RIPOR1: variants seen among roughly 807,000 people sequenced by gnomAD.
The protein encoded by RIPOR1 is rho family-interacting cell polarization regulator 1.
In RIPOR1, 58 loss-of-function variants were observed where a neutral mutation model predicts 116.5. The observed-to-expected ratio is 0.50, with a 90% CI of 0.40 to 0.62. The LOEUF (loss-of-function observed/expected upper bound fraction) is 0.62. RIPOR1 is among the 20% of genes least tolerant of loss of function. RIPOR1 has a pLI of 0.00. For missense variants in RIPOR1, 1,372 were observed against 1,586.2 expected (o/e 0.86, Z 2.29); for synonymous variants, 605 against 650.0 (o/e 0.93, Z 1.05).
Position 67,530,350 on chromosome 16 carries a change from C to T in RIPOR1, c.-24+1436C>T, listed in dbSNP as rs1246079651. On this transcript the variant is annotated intron_variant, in intron 1 of 21. Coordinates refer to ENST00000042381, the MANE Select transcript of RIPOR1 (RefSeq NM_024519.4). This position sits in a 1 kb window ranked among gnomAD's most constrained non-coding sequence, Gnocchi z 4.5. ...GCCACCCGACAGCCTCCGCCCGGTT[C>T]CGGGGTGGGGGGTCCGGGGCTGTGC... Among the ~76,000 whole-genome samples the T allele has an allele frequency of 1.3e-5, 2 of 152,230 alleles. No individual in the cohort carries two copies. The highest frequency in any genetic ancestry group is 4.8e-5 in the African/African-American group (2 of 41,478).
Position 67,545,848 on chromosome 16 carries a change from C to G in RIPOR1, c.3375C>G (p.Thr1125=), listed in dbSNP as rs767779717. The G allele has an allele frequency of 6.2e-7, 1 of 1,607,066 alleles. No homozygotes were observed. The highest frequency in any genetic ancestry group is 2.2e-5 in the East Asian group (1 of 44,828). ...TCCGGAGCCTGTCACTGGGCCCTAC[C>G]TTCCGGGAGAGGGTGAGTTGGACAG... ...TQLRSLSLGP[T]FRERALLCFL... is the part of the protein sequence containing the mutation. The change falls in exon 19 of 22, where the codon ACC becomes ACG. Residue 1125 remains threonine (T), a synonymous_variant. Transcript: ENST00000042381. This position sits in a 1 kb window ranked among gnomAD's most constrained non-coding sequence, Gnocchi z 4.8.
At position 67,541,486 on chromosome 16, in the gene RIPOR1, G is replaced by A. The variant is rs2050981370; in HGVS notation, c.858G>A (p.Glu286=). The change falls in exon 11 of 22, where the codon GAG becomes GAA. Residue 286 remains glutamate, a synonymous_variant. Transcript: ENST00000042381. This position sits in a 1 kb window ranked among gnomAD's most constrained non-coding sequence, Gnocchi z 4.6. ...TGGTTGTGGGCAGTGTCTCCTGTGA[G>A]ACCAAGGACCTGTTTGCCGCCCTGC... ...NHVVVGSVSC[E]TKDLFAALPQ... The A allele has an allele frequency of 6.2e-7, 1 of 1,614,148 alleles. No homozygotes were observed. The highest frequency in any genetic ancestry group is 8.5e-7 in the Non-Finnish European group (1 of 1,180,012).
At chr16:67,533,608 T>C (rs1314848439) in intron 1 of RIPOR1, among the ~76,000 whole-genome samples, 2 of 151,900 alleles carry the variant, frequency 1.3e-5, no homozygotes, top group Non-Finnish European at 1.5e-5. Flanking sequence ...GGCACTGGGT[T>C]CAGCAACAGG....
At chr16:67,536,039 G>A (rs1192035576) in intron 1 of RIPOR1, among the ~76,000 whole-genome samples, 2 of 152,178 alleles carry the variant, frequency 1.3e-5, no homozygotes, top group African/African-American at 4.8e-5. Context: ...TGGGAGAACT[G>A]AGCCTCAAGG....
Position 67,537,382 on chromosome 16 carries a change from C to T in RIPOR1, c.-23-1042C>T. ...CGTCGGTCCCCTCCCCGAGGGGAAC[C>T]CCAGTCACCGGTCCCGCCCCATCCA... On this transcript the variant is annotated intron_variant, in intron 1 of 21. Coordinates refer to ENST00000042381, the MANE Select transcript of RIPOR1 (RefSeq NM_024519.4). This position sits in a 1 kb window ranked among gnomAD's most constrained non-coding sequence, Gnocchi z 4.6. 4.1e-6 allele frequency: 5 copies of T among 1,230,712 alleles called. No individual in the cohort carries two copies. Among genetic ancestry groups the T allele is most frequent in the Non-Finnish European group, 4.1e-6 (4 of 986,792 alleles). 76.2% of individuals were successfully genotyped at this position (1,230,712 alleles called of 1,614,324 possible). A position where few individuals can be genotyped will look rare whatever the true frequency, so the allele number is the denominator to read the frequency against.
chr16:67,544,951 C>G lies in RIPOR1; in HGVS notation c.2870-5C>G, dbSNP rs2051118572. The G allele has an allele frequency of 6.2e-7, 1 of 1,611,654 alleles. No individual in the cohort carries two copies. The highest frequency in any genetic ancestry group is 8.5e-7 in the Non-Finnish European group (1 of 1,179,836). On this transcript the variant is annotated splice_region_variant and splice_polypyrimidine_tract_variant and intron_variant, in intron 16 of 21. Coordinates refer to ENST00000042381, the MANE Select transcript of RIPOR1 (RefSeq NM_024519.4). This position sits in a 1 kb window ranked among gnomAD's most constrained non-coding sequence, Gnocchi z 5.1. ...TTGCTGACGGTTTCCCTCACCCCCTCACAGTGGTGCAGTTCTCGGCCTCTC... is the reference window on the plus strand; with the variant it reads ...TTGCTGACGGTTTCCCTCACCCCCTGACAGTGGTGCAGTTCTCGGCCTCTC...
Position 67,544,784 on chromosome 16 carries a change from C to T in RIPOR1, c.2823C>T (p.Cys941=), listed in dbSNP as rs571228643. 13 of 1,602,648 alleles carry T rather than the reference C, an allele frequency of 8.1e-6. No homozygotes were observed. Among genetic ancestry groups the T allele is most frequent in the South Asian group, 2.2e-5 (2 of 90,722 alleles). The part of the protein sequence containing the change: ...LREARVLEAV[C]EFSRRWEIPA... ...AAGCCCGAGTACTGGAGGCAGTATG[C>T]GAGTTCAGCAGGCGGTGGGAGATCC... Residue 941 remains cysteine (C), a synonymous_variant, in exon 16 of 22, where the codon TGC becomes TGT. Coordinates refer to ENST00000042381, the MANE Select transcript of RIPOR1 (RefSeq NM_024519.4). This position sits in a 1 kb window ranked among gnomAD's most constrained non-coding sequence, Gnocchi z 5.1.
chr16:67,542,353 C>T lies in RIPOR1; in HGVS notation c.1567C>T (p.Pro523Ser). 1 of 1,613,920 alleles carries T rather than the reference C, an allele frequency of 6.2e-7. No homozygotes were observed. The highest frequency in any genetic ancestry group is 1.1e-5 in the South Asian group (1 of 91,084). ...GSVPTSTDPAPSAHLDSVHKS... is the reference protein window; with the variant it reads ...GSVPTSTDPASSAHLDSVHKS... ...TGTCCCCACATCTACAGACCCTGCC[C>T]CATCTGCACACCTAGACTCAGTTCA... is the stretch of plus-strand genomic sequence containing the variant. The change falls in exon 13 of 22, where the codon CCA (proline) becomes TCA (serine). Residue 523 changes from proline to serine, a missense_variant. Around this residue, in one of 3 missense-constraint regions of RIPOR1, gnomAD observed 1,005 missense variants for 1,144.7 expected, o/e 0.88. Coordinates refer to ENST00000042381, the MANE Select transcript of RIPOR1 (RefSeq NM_024519.4). This position sits in a 1 kb window ranked among gnomAD's most constrained non-coding sequence, Gnocchi z 4.6.
intron 1 of RIPOR1, among the ~76,000 whole-genome samples, chr16:67,536,889 A>AAT (rs1382756001): frequency 6.6e-6 from 1 of 151,996 alleles, no homozygotes; most frequent in Non-Finnish European, 1.5e-5. Flanking sequence ...TCACACTTAG[A>AAT]ACCCCAGCTC....
At position 67,531,403 on chromosome 16, in the gene RIPOR1, G is replaced by T. The variant is rs532083302; in HGVS notation, c.-24+2489G>T. On this transcript the variant is annotated intron_variant, in intron 1 of 21. Transcript: ENST00000042381. The surrounding 1 kb of genome is among the most constrained non-coding windows in gnomAD (Gnocchi z 4.2). ...GCAGATATGCCCCAGGTCTCACAAG[G>T]TTCAGTCTGGTGGGAAGACAGGCCC... 2.9e-4 allele frequency: 84 copies of T among 293,104 alleles called. No homozygotes were observed. Among genetic ancestry groups the T allele is most frequent in the Non-Finnish European group, 2.3e-4 (33 of 145,058 alleles). The allele number at this position is 293,104 out of a possible 1,614,324, so 18.2% of individuals were successfully genotyped here.
chr16:67,520,386 AAAAG>A (rs2050485034), intron 1 of RIPOR1, among the ~76,000 whole-genome samples: 1 of 149,378 alleles, frequency 6.7e-6, no homozygotes, highest in East Asian at 1.9e-4. Context: ...TCAAAAAAAA[AAAAG>A]AAAAGAAAAG....
Position 67,542,724 on chromosome 16 carries a change from T to G in RIPOR1, c.1938T>G (p.Ser646Arg). 1 of 1,613,278 alleles carries G rather than the reference T, an allele frequency of 6.2e-7. No individual in the cohort carries two copies. The highest frequency in any genetic ancestry group is 8.5e-7 in the Non-Finnish European group (1 of 1,179,796). Residue 646 changes from serine (S) to arginine (R), a missense_variant, in exon 13 of 22, where the codon AGT becomes AGG. By Grantham distance (110) the Ser-to-Arg change is moderately radical (BLOSUM62 -1). Transcript: ENST00000042381. The surrounding 1 kb of genome is among the most constrained non-coding windows in gnomAD (Gnocchi z 4.6). ...SPPTTTSPTPSGMGLVQTATS... is the reference protein window; with the variant it reads ...SPPTTTSPTPRGMGLVQTATS... The stretch of plus-strand genomic sequence containing the variant: ...CCACCACTACAAGTCCTACCCCCAG[T>G]GGTATGGGCCTAGTCCAGACTGCCA...
At chr16:67,524,337 A>G (rs2142394562), upstream of RIPOR1, among the ~76,000 whole-genome samples, 1 of 152,288 alleles carries the variant, frequency 6.6e-6, no homozygotes, top group South Asian at 2.1e-4. Flanking sequence ...TGGTGGGTCA[A>G]GTATACCCGC....
At chr16:67,518,958 A>C (rs1384949439) in intron 1 of RIPOR1, among the ~76,000 whole-genome samples, 1 of 152,220 alleles carries the variant, frequency 6.6e-6, no homozygotes, top group Non-Finnish European at 1.5e-5. Flanking sequence ...GGTGAGCAGC[A>C]GTTAGGCGAA....
intron 1 of RIPOR1, among the ~76,000 whole-genome samples, chr16:67,522,052 A>G (rs2142390040): frequency 6.6e-6 from 1 of 152,194 alleles, no homozygotes; most frequent in South Asian, 2.1e-4. Context: ...TGTTTGAGAC[A>G]GAGTCTCGCT....
upstream of RIPOR1, among the ~76,000 whole-genome samples, chr16:67,526,050 G>C (rs1210937462): frequency 2.0e-5 from 3 of 152,180 alleles, no homozygotes; most frequent in African/African-American, 4.8e-5. Flanking sequence ...CCTTGGATGT[G>C]GGGGAAGAGC....
chr16:67,544,628 T>G lies in RIPOR1; in HGVS notation c.2734-67T>G. The G allele has an allele frequency of 6.2e-7, 1 of 1,601,606 alleles. No individual in the cohort carries two copies. ...CTCCCCCAGTGCATGCTGGGACTTG[T>G]CCCTGAGCACGATCCTCCCGAGCCC... On this transcript the variant is annotated intron_variant, in intron 15 of 21. Coordinates refer to ENST00000042381, the MANE Select transcript of RIPOR1 (RefSeq NM_024519.4). The surrounding 1 kb of genome is among the most constrained non-coding windows in gnomAD (Gnocchi z 5.1).
At position 67,539,031 on chromosome 16, in the gene RIPOR1, A is replaced by G. The variant is rs150369207; in HGVS notation, c.299A>G (p.Gln100Arg). The change falls in exon 4 of 22, where the codon CAG (glutamine) becomes CGG (arginine). Residue 100 changes from glutamine to arginine, a missense_variant. By Grantham distance (43) the Gln-to-Arg change is conservative (BLOSUM62 1). Transcript: ENST00000042381. Reference protein sequence around the residue: ...EVHQQEQEKLQGQIRESKRNS... With the variant: ...EVHQQEQEKLRGQIRESKRNS... ...CACCAGCAGGAGCAAGAGAAACTCC[A>G]GGGGCAGATAAGGGAGTCCAAGAGG... The G allele has an allele frequency of 0.019, 31,284 of 1,613,452 alleles. 533 individuals carry two copies. Among genetic ancestry groups the G allele is most frequent in the Non-Finnish European group, 0.019 (22,908 of 1,179,810 alleles).
At chr16:67,533,035 G>C (rs1189497899) in intron 1 of RIPOR1, among the ~76,000 whole-genome samples, 1 of 152,140 alleles carries the variant, frequency 6.6e-6, no homozygotes, top group Non-Finnish European at 1.5e-5. Flanking sequence ...AGATTGCAGA[G>C]AGATTTAAGA....
Sources: allele counts gnomAD v4.1 joint callset (sites outside exome capture counted in the v4.1 genomes callset), GRCh38; gene constraint gnomAD v4.1.1; regional missense constraint gnomAD v4.1.1; non-coding constraint Gnocchi (gnomAD v3.1); transcripts MANE v1.5; gene names NCBI Gene and HGNC (gene_info 2026-07-23, HGNC 2026-07-21).